Variants in FER1L6 observed in about 807,000 individuals in gnomAD.
The protein encoded by FER1L6 is fer-1-like protein 6.
In FER1L6, 177 loss-of-function variants were observed where a neutral mutation model predicts 219.2. The ratio of observed to expected loss-of-function variants is 0.81; its 90% confidence interval spans 0.71 to 0.91. The LOEUF (loss-of-function observed/expected upper bound fraction) is 0.91. FER1L6 is among the 40% of genes least tolerant of loss of function. The probability of loss-of-function intolerance (pLI) is 0.00; values close to 1 mark genes in which losing one functional copy is unlikely to be tolerated. For synonymous variants in FER1L6, 768 were observed against 824.3 expected, an observed-to-expected ratio of 0.93 and a Z score of 1.17; for missense variants, 2,153 against 2,259.9, an observed-to-expected ratio of 0.95 and a Z score of 0.96.
chr8:124,084,816 T>C (rs780048202), intron 33 of FER1L6, among the ~76,000 whole-genome samples: 6 of 152,074 alleles, frequency 3.9e-5, no homozygotes, highest in Non-Finnish European at 7.4e-5. Context: ...TCCTTTTTCT[T>C]TGTTTTTCAG....
chr8:124,103,310 G>A lies in FER1L6; in HGVS notation c.5289+1G>A, dbSNP rs757326383. ...TTTTTCTAAAAGCAAAGAACTCACA[G>A]TAAGTGACAGCTATGGGAGGTGGAG... On this transcript the variant is annotated splice_donor_variant, in intron 39 of 40. Transcript: ENST00000522917. LOFTEE classifies it high-confidence loss of function. 1 of 1,613,616 alleles carries A rather than the reference G, an allele frequency of 6.2e-7. No homozygotes were observed. The highest frequency in any genetic ancestry group is 8.5e-7 in the Non-Finnish European group (1 of 1,179,718).
intron 39 of FER1L6, among the ~76,000 whole-genome samples, chr8:124,108,061 C>T (rs1304544459): frequency 6.6e-6 from 1 of 152,174 alleles, no homozygotes; most frequent in Non-Finnish European, 1.5e-5. Context: ...ATAAGCAATG[C>T]ATTCAAAGCT....
At chr8:124,071,654 G>A (rs755705130) in intron 31 of FER1L6, 23 bp downstream of exon 31, 5 of 1,604,130 alleles carry the variant, frequency 3.1e-6, no homozygotes, top group Non-Finnish European at 4.3e-6. Flanking sequence ...TGTTTGCTCT[G>A]AGGGGGTGTA....
chr8:124,119,495 C>G (rs1334682522), intron 40 of FER1L6, 112 bp from the exon 41 acceptor site: 3 of 712,464 alleles, frequency 4.2e-6, no homozygotes, highest in East Asian at 5.0e-5. Context: ...ATTTTCAGGG[C>G]TCTCCCTATG....
chr8:124,071,607 G>A lies in FER1L6; in HGVS notation c.4068G>A (p.Val1356=), dbSNP rs1178065666. Residue 1356 remains valine (V), a synonymous_variant, in exon 31 of 41, where the codon GTG becomes GTA. Transcript: ENST00000522917. Reference sequence around the variant, plus strand: ...TTCCGCCCAATCACCCTGTCACAGTGCTGATCAGAGTATACATTGTCGCGG... The same window carrying A: ...TTCCGCCCAATCACCCTGTCACAGTACTGATCAGAGTATACATTGTCGCGG... ...QGIPPNHPVT[V]LIRVYIVAAF... is the part of the protein sequence containing the mutation. The A allele has an allele frequency of 1.9e-6, 3 of 1,614,080 alleles. No individual in the cohort carries two copies. Among genetic ancestry groups the A allele is most frequent in the South Asian group, 2.2e-5 (2 of 91,066 alleles).
At chr8:124,010,082 G>T (rs1337271309) in intron 13 of FER1L6, among the ~76,000 whole-genome samples, 1 of 151,342 alleles carries the variant, frequency 6.6e-6, no homozygotes, top group Non-Finnish European at 1.5e-5. Flanking sequence ...TAATTCGAGG[G>T]TCTGGTAGCT....
In FER1L6 at chr8:124,109,141, TGA is replaced by T. The variant is rs527589110; in HGVS notation, c.5289+5841_5289+5842del. Among the ~76,000 whole-genome samples, 193 of 152,148 alleles carry T rather than the reference TGA, an allele frequency of 1.3e-3. 1 individual carries two copies. Among genetic ancestry groups the T allele is most frequent in the African/African-American group, 4.5e-3 (188 of 41,510 alleles). ...AATAGAAGAAAGGAGAGGAGCTCCT[TGA>T]GAGAGAGATACACGTCCAATAAAGT... On this transcript the variant is annotated intron_variant, in intron 39 of 40. Coordinates refer to ENST00000522917, the MANE Select transcript of FER1L6 (RefSeq NM_001039112.2).
chr8:123,933,392 GTGTGTGTGTC>G (rs1241964050), intron 1 of FER1L6, among the ~76,000 whole-genome samples: 976 of 89,198 alleles, frequency 0.011, 7 homozygotes, highest in African/African-American at 0.051. Flanking sequence ...GTGTGTGTGT[GTGTGTGTGTC>G]TGTGTGTGTG....
Position 124,003,292 on chromosome 8 carries a change from A to G in FER1L6, c.1645A>G (p.Ile549Val). Residue 549 changes from isoleucine (I) to valine (V), a missense_variant, in exon 13 of 41, where the codon ATT (isoleucine) becomes GTT (valine). Coordinates refer to ENST00000522917, the MANE Select transcript of FER1L6 (RefSeq NM_001039112.2). The part of the protein sequence containing the change: ...GQGDVAHDVP[I>V]PMASTTHPEK... ...AGGGGATGTGGCCCATGATGTTCCCATTCCTATGGCCTCCACCACTCACCC... is the reference window on the plus strand; with the variant it reads ...AGGGGATGTGGCCCATGATGTTCCCGTTCCTATGGCCTCCACCACTCACCC... The G allele has an allele frequency of 1.2e-5, 19 of 1,613,898 alleles. No individual in the cohort carries two copies. Among genetic ancestry groups the G allele is most frequent in the Non-Finnish European group, 1.5e-5 (18 of 1,179,994 alleles).
rs111668190 is a variant in FER1L6, at chr8:123,905,323, C to T, written c.-7-50669C>T. On this transcript the variant is annotated intron_variant, in intron 1 of 40. Coordinates refer to ENST00000522917, the MANE Select transcript of FER1L6 (RefSeq NM_001039112.2). The stretch of plus-strand genomic sequence containing the variant: ...TTCGGCTCCCAGTTTTAAGTGAGAA[C>T]GTGTGGTGTTGGTTTTCTGTTCCTG... Among the ~76,000 whole-genome samples the T allele has an allele frequency of 5.8e-3, 883 of 152,220 alleles. 2 individuals carry two copies. The highest frequency in any genetic ancestry group is 0.013 in the South Asian group (61 of 4,824).
At chr8:123,920,117 CTG>C (rs1214191596) in intron 1 of FER1L6, among the ~76,000 whole-genome samples, 1 of 152,210 alleles carries the variant, frequency 6.6e-6, no homozygotes, top group African/African-American at 2.4e-5. Flanking sequence ...CTGGGACACT[CTG>C]TGATTATATT....
chr8:124,001,419 T>C (rs1817404678), intron 12 of FER1L6, among the ~76,000 whole-genome samples: 1 of 152,244 alleles, frequency 6.6e-6, no homozygotes, highest in African/African-American at 2.4e-5. Flanking sequence ...CTAATTATCC[T>C]GCTTCTCTGC....
intron 1 of FER1L6, among the ~76,000 whole-genome samples, chr8:123,894,399 A>G (rs1191279431): frequency 1.3e-5 from 2 of 152,180 alleles, no homozygotes; most frequent in South Asian, 2.1e-4. Context: ...TTCCTTGGCA[A>G]TAATTGTTGT....
intron 1 of FER1L6, among the ~76,000 whole-genome samples, chr8:123,868,824 C>G (rs1816878255): frequency 6.6e-6 from 1 of 152,126 alleles, no homozygotes; most frequent in Non-Finnish European, 1.5e-5. Flanking sequence ...ATGGTTCCAC[C>G]AGGCAGGAAG....
intron 11 of FER1L6, among the ~76,000 whole-genome samples, chr8:123,982,475 G>A (rs1368589144): frequency 1.3e-5 from 2 of 152,160 alleles, no homozygotes; most frequent in Admixed American, 1.3e-4. Flanking sequence ...CTATTGTGTA[G>A]TAGGTAATAG....
At chr8:123,949,045 G>GGGT (rs776031253) in intron 1 of FER1L6, among the ~76,000 whole-genome samples, 3 of 152,150 alleles carry the variant, frequency 2.0e-5, no homozygotes, top group Non-Finnish European at 4.4e-5. Context: ...GAGATGTCCT[G>GGGT]GGTTCCTCTG....
intron 38 of FER1L6, 34 bp from the exon 39 acceptor site, chr8:124,103,112 T>G (rs1162878686): frequency 6.3e-7 from 1 of 1,591,182 alleles, no homozygotes; most frequent in East Asian, 2.2e-5. Context: ...TTTTAGAAAA[T>G]GCTTCCCTAA....
At position 124,103,304 on chromosome 8, in the gene FER1L6, C is replaced by G. The variant is rs751524305; in HGVS notation, c.5284C>G (p.Leu1762Val). The G allele has an allele frequency of 6.8e-6, 11 of 1,613,796 alleles. No individual in the cohort carries two copies. Among genetic ancestry groups the G allele is most frequent in the Non-Finnish European group, 8.5e-6 (10 of 1,179,862 alleles). ...GTGGCCTTTTTCTAAAAGCAAAGAA[C>G]TCACAGTAAGTGACAGCTATGGGAG... is the stretch of plus-strand genomic sequence containing the variant. ...GWWPFSKSKE[L>V]TGKVEAEFHL... Residue 1762 changes from leucine to valine, a missense_variant, in exon 39 of 41, where the codon CTC becomes GTC. Coordinates refer to ENST00000522917, the MANE Select transcript of FER1L6 (RefSeq NM_001039112.2).
At chr8:123,926,570 A>G (rs16899052) in intron 1 of FER1L6, among the ~76,000 whole-genome samples, 61,762 of 151,988 alleles carry the variant, frequency 0.41, 12,908 homozygotes, top group South Asian at 0.52. Flanking sequence ...TACAAAGAAT[A>G]CAGGGATCAA....
Sources: allele counts gnomAD v4.1 joint callset (sites outside exome capture counted in the v4.1 genomes callset), GRCh38; gene constraint gnomAD v4.1.1; transcripts MANE v1.5; gene names NCBI Gene and HGNC (gene_info 2026-07-23, HGNC 2026-07-21).